The following TACR1 variants were observed in gnomAD, a reference collection of about 807,000 sequenced individuals.
The protein encoded by TACR1 is substance-P receptor.
Under a neutral mutation model 35.8 loss-of-function variants are expected in TACR1, and 25 were observed. That is an observed-to-expected ratio of 0.70 (90% CI 0.51 to 0.98). TACR1 has a LOEUF of 0.98. Among genes scored for constraint, TACR1 ranks in the 50% least tolerant of loss-of-function variants. The pLI, the probability that TACR1 is intolerant of heterozygous loss-of-function variation, is 0.00. For missense variants in TACR1, 478 were observed against 522.9 expected, an observed-to-expected ratio of 0.91 and a Z score of 0.84; for synonymous variants, 195 against 206.7, an observed-to-expected ratio of 0.94 and a Z score of 0.48.
At chr2:75,160,690 A>G (rs1439263978) in intron 1 of TACR1, among the ~76,000 whole-genome samples, 1 of 150,800 alleles carries the variant, frequency 6.6e-6, no homozygotes, top group East Asian at 1.9e-4. Flanking sequence ...GAAAAGAACA[A>G]TAAGATAAAA....
intron 1 of TACR1, among the ~76,000 whole-genome samples, chr2:75,130,215 C>T (rs548597383): frequency 5.3e-5 from 8 of 152,290 alleles, no homozygotes; most frequent in Admixed American, 5.2e-4. Flanking sequence ...TAATCCCAGC[C>T]TTGAAAATGT....
chr2:75,105,551 G>A (rs1204754743), intron 2 of TACR1, among the ~76,000 whole-genome samples: 2 of 151,956 alleles, frequency 1.3e-5, no homozygotes, highest in Non-Finnish European at 2.9e-5. Flanking sequence ...GAAATGATAA[G>A]TATTGAAGTG....
At chr2:75,150,592 C>T (rs1674648414) in intron 1 of TACR1, among the ~76,000 whole-genome samples, 1 of 147,758 alleles carries the variant, frequency 6.8e-6, no homozygotes, top group African/African-American at 2.5e-5. Flanking sequence ...CCATGTAGAA[C>T]TGTAAGTCCA....
intron 2 of TACR1, among the ~76,000 whole-genome samples, chr2:75,104,033 A>G (rs1673593457): frequency 6.6e-6 from 1 of 152,074 alleles, no homozygotes; most frequent in Non-Finnish European, 1.5e-5. Flanking sequence ...ACAATTGACC[A>G]AATGGCAGTA....
intron 1 of TACR1, among the ~76,000 whole-genome samples, chr2:75,161,590 G>C (rs908751291): frequency 6.6e-6 from 1 of 152,076 alleles, no homozygotes; most frequent in Non-Finnish European, 1.5e-5. Context: ...CAACTTTCAA[G>C]TCATGAGACA....
At chr2:75,050,348 T>C (rs1672441190) in intron 4 of TACR1, among the ~76,000 whole-genome samples, 1 of 152,232 alleles carries the variant, frequency 6.6e-6, no homozygotes, top group Non-Finnish European at 1.5e-5. Flanking sequence ...TTGAAGAGAA[T>C]GTCTTTCCCC....
chr2:75,117,575 A>G (rs1204036690), intron 2 of TACR1, among the ~76,000 whole-genome samples: 6 of 152,110 alleles, frequency 3.9e-5, no homozygotes, highest in Admixed American at 6.6e-5. Flanking sequence ...ACATCTCTCA[A>G]TGCTTCTTTG....
intron 1 of TACR1, among the ~76,000 whole-genome samples, chr2:75,123,321 T>A (rs145967851): frequency 1.1e-4 from 17 of 152,280 alleles, no homozygotes; most frequent in African/African-American, 3.9e-4. Flanking sequence ...AATGCAAGAT[T>A]TTAATTTGTT....
At chr2:75,104,361 A>G (rs1477293560) in intron 2 of TACR1, among the ~76,000 whole-genome samples, 1 of 152,096 alleles carries the variant, frequency 6.6e-6, no homozygotes. Context: ...AATTGTAAAT[A>G]TATATGCACC....
In TACR1 at chr2:75,198,813, ACCGTGTAGGCAG is replaced by A. The variant is rs1164760092; in HGVS notation, c.110_121del (p.Ala37_Thr40del). Reference sequence around the variant, plus strand: ...GCCCACCACAGAGGTCACCACAATGACCGTGTAGGCAGCTGCCCAAAGGACAATTTGCCAGGC... The same window carrying A: ...GCCCACCACAGAGGTCACCACAATGACTGCCCAAAGGACAATTTGCCAGGC... On this transcript the variant is annotated inframe_deletion, in exon 1 of 5. Transcript: ENST00000305249. 1.9e-6 allele frequency: 3 copies of A among 1,614,026 alleles called. No homozygotes were observed. The highest frequency in any genetic ancestry group is 2.5e-6 in the Non-Finnish European group (3 of 1,180,036).
At chr2:75,181,653 A>G (rs375315027) in intron 1 of TACR1, among the ~76,000 whole-genome samples, 3 of 152,136 alleles carry the variant, frequency 2.0e-5, no homozygotes, top group South Asian at 4.1e-4. Flanking sequence ...CTGAGGCCCC[A>G]TTAATAGTTG....
At chr2:75,156,664 T>TCCAA (rs1465902087) in intron 1 of TACR1, among the ~76,000 whole-genome samples, 1 of 151,830 alleles carries the variant, frequency 6.6e-6, no homozygotes, top group Non-Finnish European at 1.5e-5. Context: ...GCACAGCCCT[T>TCCAA]CCAACACCTC....
intron 1 of TACR1, among the ~76,000 whole-genome samples, chr2:75,152,226 G>C (rs4853111): frequency 6.6e-6 from 1 of 152,072 alleles, no homozygotes; most frequent in African/African-American, 2.4e-5. Context: ...CATGAGATCT[G>C]TAGGGCCCAG....
Position 75,120,549 on chromosome 2 carries a change from G to A in TACR1, c.584+25C>T, listed in dbSNP as rs750733458. 4.4e-5 allele frequency: 68 copies of A among 1,562,946 alleles called. 2 individuals are homozygous for A. In the South Asian group the frequency reaches 7.6e-4, roughly 18 times the overall value. On this transcript the variant is annotated intron_variant, in intron 2 of 4. Transcript: ENST00000305249. ...AGGCAGCCTGCACCATCGTTTCTTT[G>A]GCATGGGGAGTCATCTCTACTCACA...
At chr2:75,151,293 C>T (rs904186454) in intron 1 of TACR1, among the ~76,000 whole-genome samples, 3 of 152,204 alleles carry the variant, frequency 2.0e-5, no homozygotes, top group African/African-American at 7.2e-5. Context: ...ATGGCAGCCC[C>T]TCCGATCACA....
At chr2:75,163,291 C>T (rs944551220) in intron 1 of TACR1, among the ~76,000 whole-genome samples, 1 of 152,166 alleles carries the variant, frequency 6.6e-6, no homozygotes, top group African/African-American at 2.4e-5. Flanking sequence ...AATTTTTTTA[C>T]CCTTACATAA....
intron 1 of TACR1, among the ~76,000 whole-genome samples, chr2:75,180,915 G>A (rs530822700): frequency 6.6e-6 from 1 of 152,278 alleles, no homozygotes; most frequent in African/African-American, 2.4e-5. Flanking sequence ...AGTGGATATT[G>A]CAGACATTTT....
chr2:75,183,821 TG>T (rs1431967382), intron 1 of TACR1, among the ~76,000 whole-genome samples: 4 of 152,206 alleles, frequency 2.6e-5, no homozygotes, highest in Non-Finnish European at 5.9e-5. Context: ...AATAACGTAT[TG>T]TGTTATTACT....
At position 75,049,111 on chromosome 2, in the gene TACR1, A is replaced by G; in HGVS notation, c.*321T>C. 1 of 295,414 alleles carries G rather than the reference A, an allele frequency of 3.4e-6. No homozygotes were observed. The allele number at this position is 295,414 out of a possible 1,614,324, so 18.3% of individuals were successfully genotyped here. A position where few individuals can be genotyped will look rare whatever the true frequency, so the allele number is the denominator to read the frequency against. On this transcript the variant is annotated 3_prime_UTR_variant, in exon 5 of 5. Transcript: ENST00000305249. ...AGCTGTGCTGCAGAATTCATCCTGAAATGAGCACTCGCATGCAGCCAAAGT... is the reference window on the plus strand; with the variant it reads ...AGCTGTGCTGCAGAATTCATCCTGAGATGAGCACTCGCATGCAGCCAAAGT...
Sources: gnomAD v4.1 joint callset for allele counts (sites outside exome capture counted in the v4.1 genomes callset) on GRCh38, gnomAD v4.1.1 for gene constraint, MANE v1.5 for transcripts, NCBI Gene and HGNC (gene_info 2026-07-23, HGNC 2026-07-21) for gene names.